Variants in MTF2 observed in about 807,000 individuals in gnomAD.
MTF2 encodes metal-response element-binding transcription factor 2.
MTF2 carries 11 observed loss-of-function variants against 79.5 expected under a neutral mutation model. That is an observed-to-expected ratio of 0.14 (90% confidence interval 0.09 to 0.23). MTF2 has a LOEUF of 0.23. Among genes scored for constraint, MTF2 ranks in the 10% least tolerant of loss-of-function variants. MTF2 has a pLI of 1.00. For missense variants in MTF2, 486 were observed against 711.2 expected, an observed-to-expected ratio of 0.68 and a Z score of 3.60; for synonymous variants, 208 against 232.8, an observed-to-expected ratio of 0.89 and a Z score of 0.97.
chr1:93,097,139 T>C (rs1016125540), intron 1 of MTF2, among the ~76,000 whole-genome samples: 3 of 152,302 alleles, frequency 2.0e-5, no homozygotes, highest in African/African-American at 7.2e-5. Context: ...TTCCAAACTT[T>C]TAAGTTACCT....
Position 93,137,018 on chromosome 1 carries a change from T to C in MTF2, c.1773T>C (p.Thr591=), listed in dbSNP as rs756170374. The C allele has an allele frequency of 1.9e-6, 3 of 1,613,348 alleles. No homozygotes were observed. The Admixed American group carries it at 5.0e-5, about 27-fold the overall frequency. The change falls in exon 15 of 15, where the codon ACT becomes ACC. Residue 591 remains threonine, a synonymous_variant. Coordinates refer to ENST00000370298, the MANE Select transcript of MTF2 (RefSeq NM_007358.4). ...ATCTTGTGGAATGGGAAGGAGCAAC[T>C]GCATCCTGACTGTAGGACTGAACAT... ...VQYLVEWEGA[T]AS
intron 1 of MTF2, among the ~76,000 whole-genome samples, chr1:93,086,826 CTTG>C (rs1021866704): frequency 1.3e-5 from 2 of 152,074 alleles, no homozygotes; most frequent in Non-Finnish European, 2.9e-5. Context: ...TGAACTTTTT[CTTG>C]TTGTTTCAAA....
At chr1:93,087,083 G>A (rs1301977440) in intron 1 of MTF2, among the ~76,000 whole-genome samples, 3 of 152,164 alleles carry the variant, frequency 2.0e-5, no homozygotes, top group Non-Finnish European at 2.9e-5. Context: ...AACCTGTTAC[G>A]AGGTCAGATG....
At chr1:93,097,789 G>A (rs1655357200) in intron 1 of MTF2, among the ~76,000 whole-genome samples, 1 of 152,060 alleles carries the variant, frequency 6.6e-6, no homozygotes, top group Admixed American at 6.6e-5. Flanking sequence ...GTAGAGACGG[G>A]GTTTCACCTT....
chr1:93,129,128 TA>T, intron 10 of MTF2, 149 bp from the exon 11 acceptor site: 1 of 478,006 alleles, frequency 2.1e-6, no homozygotes, highest in Non-Finnish European at 3.6e-6. Context: ...CTGGGGCAGA[TA>T]AAAATCAAGG....
intron 9 of MTF2, among the ~76,000 whole-genome samples, chr1:93,123,118 A>T (rs1413542708): frequency 6.6e-6 from 1 of 151,974 alleles, no homozygotes; most frequent in Admixed American, 6.5e-5. Context: ...ATTATTTTCA[A>T]AACATGGGAA....
intron 9 of MTF2, among the ~76,000 whole-genome samples, chr1:93,123,782 A>G (rs1159144838): frequency 7.8e-6 from 1 of 128,976 alleles, no homozygotes; most frequent in Non-Finnish European, 1.7e-5. Flanking sequence ...TTTTTTTAAT[A>G]AAGGAAGCAC....
At chr1:93,094,967 C>T (rs944410777) in intron 1 of MTF2, among the ~76,000 whole-genome samples, 5 of 152,118 alleles carry the variant, frequency 3.3e-5, no homozygotes, top group African/African-American at 1.2e-4. Flanking sequence ...ATAAACGTTC[C>T]ATATTCTGAT....
At position 93,133,729 on chromosome 1, in the gene MTF2, A is replaced by T; in HGVS notation, c.1187A>T (p.Lys396Ile). ...SREVSNGIEK[K>I]GKKKSVGRPP... ...GAAGTAAGCAATGGCATAGAAAAAA[A>T]AGGAAAGAAAAAATCTGTAGGTCGT... Residue 396 changes from lysine (K) to isoleucine (I), a missense_variant, in exon 12 of 15, where the codon AAA becomes ATA. Physicochemically the swap from Lys to Ile is moderately radical, Grantham distance 102 (BLOSUM62 -3). Coordinates refer to ENST00000370298, the MANE Select transcript of MTF2 (RefSeq NM_007358.4). 1 of 1,611,658 alleles carries T rather than the reference A, an allele frequency of 6.2e-7. No individual in the cohort carries two copies. The highest frequency in any genetic ancestry group is 8.5e-7 in the Non-Finnish European group (1 of 1,179,222).
intron 7 of MTF2, 28 bp downstream of exon 7, chr1:93,118,468 C>T (rs776821849): frequency 2.1e-6 from 3 of 1,451,054 alleles, no homozygotes; most frequent in South Asian, 1.3e-5. Context: ...ACTTTACTGG[C>T]TGATTTTTGT....
intron 11 of MTF2, among the ~76,000 whole-genome samples, chr1:93,130,501 C>A (rs1345406957): frequency 6.6e-6 from 1 of 152,028 alleles, no homozygotes; most frequent in Non-Finnish European, 1.5e-5. Context: ...CGCTTGAATC[C>A]AGGAGGCGGA....
At chr1:93,091,222 A>T (rs565533310) in intron 1 of MTF2, among the ~76,000 whole-genome samples, 1 of 152,112 alleles carries the variant, frequency 6.6e-6, no homozygotes, top group Non-Finnish European at 1.5e-5. Context: ...CGTCTGGTAC[A>T]TCTGGTATAC....
chr1:93,088,529 A>G (rs1195923719), intron 1 of MTF2, among the ~76,000 whole-genome samples: 9 of 152,314 alleles, frequency 5.9e-5, no homozygotes, highest in African/African-American at 9.6e-5. Context: ...GGTATTTACC[A>G]TTTTGAAAAT....
At chr1:93,080,690 C>A (rs1367139284) in intron 1 of MTF2, among the ~76,000 whole-genome samples, 1 of 151,880 alleles carries the variant, frequency 6.6e-6, no homozygotes, top group Non-Finnish European at 1.5e-5. Flanking sequence ...CAGATGGATT[C>A]CATGTGACCC....
intron 7 of MTF2, 80 bp from the exon 8 acceptor site, chr1:93,119,253 C>T: frequency 1.0e-6 from 1 of 961,574 alleles, no homozygotes; most frequent in Admixed American, 2.8e-5. Context: ...AGGTTATTCA[C>T]TTGGTGAATA....
chr1:93,127,208 A>T, intron 9 of MTF2, 24 bp from the exon 10 acceptor site: 1 of 1,569,174 alleles, frequency 6.4e-7, no homozygotes, highest in Non-Finnish European at 8.8e-7. Flanking sequence ...GTAGTGCGTT[A>T]AATTGTTTCT....
chr1:93,088,319 T>C (rs538534810), intron 1 of MTF2, among the ~76,000 whole-genome samples: 2 of 152,248 alleles, frequency 1.3e-5, no homozygotes, highest in Admixed American at 1.3e-4. Context: ...AGTGGCCTTG[T>C]TGGTTTTGGT....
chr1:93,120,654 T>C lies in MTF2; in HGVS notation c.903T>C (p.Asp301=). The C allele has an allele frequency of 2.5e-6, 4 of 1,610,028 alleles. No homozygotes were observed. The highest frequency in any genetic ancestry group is 3.4e-6 in the Non-Finnish European group (4 of 1,178,748). ...TGACATACATTAATGAAAACTGGGA[T>C]AGATTGCACCCTGGAGAGGTAGGTG... ...ELMTYINENW[D]RLHPGELADT... is the part of the protein sequence containing the mutation. Residue 301 remains aspartate (D), a synonymous_variant, in exon 9 of 15, where the codon GAT becomes GAC. Transcript: ENST00000370298.
At chr1:93,086,630 C>G (rs11164870) in intron 1 of MTF2, among the ~76,000 whole-genome samples, 73,385 of 151,928 alleles carry the variant, frequency 0.48, 21,166 homozygotes, top group South Asian at 0.67. Flanking sequence ...TCTTGAGATG[C>G]AAAGACATAT....
Sources: allele counts gnomAD v4.1 joint callset (sites outside exome capture counted in the v4.1 genomes callset), GRCh38; gene constraint gnomAD v4.1.1; transcripts MANE v1.5; gene names NCBI Gene and HGNC (gene_info 2026-07-23, HGNC 2026-07-21).